VPS13B: variants seen among roughly 807,000 people sequenced by gnomAD.
The protein encoded by VPS13B is vacuolar protein sorting 13 homolog B.
In VPS13B, 285 loss-of-function variants were observed where a neutral mutation model predicts 426.4. The ratio of observed to expected loss-of-function variants is 0.67; its 90% confidence interval spans 0.61 to 0.74. VPS13B has a LOEUF of 0.74. VPS13B is among the 30% of genes least tolerant of loss of function. VPS13B has a pLI of 0.00. For missense variants in VPS13B, 4,537 were observed against 4,782.6 expected (o/e 0.95, Z 1.51); for synonymous variants, 1,676 against 1,676.4 (o/e 1.00, Z 0.01).
intron 17 of VPS13B, among the ~76,000 whole-genome samples, chr8:99,216,737 A>T (rs552222352): frequency 9.3e-4 from 142 of 152,122 alleles, no homozygotes; most frequent in African/African-American, 3.2e-3. Flanking sequence ...AAATACTTTT[A>T]AAAAAAGAAT....
intron 3 of VPS13B, among the ~76,000 whole-genome samples, chr8:99,074,103 T>C (rs577323655): frequency 1.3e-5 from 2 of 152,276 alleles, no homozygotes; most frequent in Admixed American, 6.5e-5. Context: ...GCTGGGACCT[T>C]CTGTACTGTG....
intron 29 of VPS13B, among the ~76,000 whole-genome samples, chr8:99,512,844 C>A (rs900377450): frequency 2.6e-5 from 4 of 151,966 alleles, no homozygotes; most frequent in Non-Finnish European, 5.9e-5. Context: ...CCCAGCTCTA[C>A]TAAAAATACA....
rs548434015 is a variant in VPS13B at position 99,873,845 on chromosome 8, A to C, written c.11746-1573A>C. On this transcript the variant is annotated intron_variant, in intron 61 of 61. Transcript: ENST00000357162. ...GCTGTCTGGCTCTTAGTGCATCCCAACATAATCCACAGACATGAGGAAGCC... is the reference window on the plus strand; with the variant it reads ...GCTGTCTGGCTCTTAGTGCATCCCACCATAATCCACAGACATGAGGAAGCC... Among the ~76,000 whole-genome samples the C allele has an allele frequency of 3.9e-5, 6 of 152,284 alleles. No individual in the cohort carries two copies. In the South Asian group the frequency reaches 1.2e-3, roughly 32 times the overall value.
intron 30 of VPS13B, among the ~76,000 whole-genome samples, chr8:99,524,217 G>A (rs979277421): frequency 2.0e-5 from 3 of 151,974 alleles, no homozygotes; most frequent in African/African-American, 7.3e-5. Flanking sequence ...AAAGAATGAA[G>A]TACACCTACA....
At position 99,683,079 on chromosome 8, in the gene VPS13B, T is replaced by C. The variant is rs947911921; in HGVS notation, c.6047-16446T>C. 1.6e-4 allele frequency among the ~76,000 whole-genome samples: 25 copies of C among 152,362 alleles called. 1 individual carries two copies. Among genetic ancestry groups the C allele is most frequent in the African/African-American group, 5.8e-4 (24 of 41,588 alleles). Reference sequence around the variant, plus strand: ...TATGAAGTTGAGTTTAAGGTACTTTTTTTTGTATACAGATATTCAACACCA... The same window carrying C: ...TATGAAGTTGAGTTTAAGGTACTTTCTTTTGTATACAGATATTCAACACCA... On this transcript the variant is annotated intron_variant, in intron 35 of 61. Coordinates refer to ENST00000357162, the MANE Select transcript of VPS13B (RefSeq NM_152564.5).
chr8:99,048,648 C>T (rs745764903), intron 3 of VPS13B, among the ~76,000 whole-genome samples: 2 of 152,058 alleles, frequency 1.3e-5, no homozygotes, highest in African/African-American at 2.4e-5. Context: ...AACCCCTTCT[C>T]TGCTAAAAAT....
At chr8:99,057,450 A>ACATCCCTACAT (rs1315053994) in intron 3 of VPS13B, among the ~76,000 whole-genome samples, 1 of 151,956 alleles carries the variant, frequency 6.6e-6, no homozygotes, top group African/African-American at 2.4e-5. Context: ...CATCTTTGGC[A>ACATCCCTACAT]CCCTGTCTCT....
intron 19 of VPS13B, among the ~76,000 whole-genome samples, chr8:99,332,341 A>G (rs1376512219): frequency 6.6e-6 from 1 of 151,694 alleles, no homozygotes; most frequent in Admixed American, 6.6e-5. Flanking sequence ...TTTGCAAGGA[A>G]ATAGAAAAAT....
chr8:99,771,558 G>A (rs1405774455), intron 40 of VPS13B, among the ~76,000 whole-genome samples: 1 of 152,226 alleles, frequency 6.6e-6, no homozygotes, highest in East Asian at 1.9e-4. Flanking sequence ...GTATATATGA[G>A]TGTGTGAATG....
chr8:99,199,260 C>T (rs1320553942), intron 17 of VPS13B, among the ~76,000 whole-genome samples: 1 of 152,126 alleles, frequency 6.6e-6, no homozygotes. Context: ...CGGCTCACTG[C>T]AAGCTCCGCC....
In VPS13B at chr8:99,778,877, T is replaced by C. The variant is rs2130679096; in HGVS notation, c.7625T>C (p.Val2542Ala). Residue 2542 changes from valine to alanine, a missense_variant, in exon 42 of 62, where the codon GTG (valine) becomes GCG (alanine). This residue lies in a region of VPS13B where 4,311 missense variants were observed against 4,474.3 expected (regional missense o/e 0.96). Transcript: ENST00000357162. ...TGCAGAAATGTCACTATGCAAAGTGTGGTGAAACCCTTCAGCATCTTCGGG... is the reference window on the plus strand; with the variant it reads ...TGCAGAAATGTCACTATGCAAAGTGCGGTGAAACCCTTCAGCATCTTCGGG... ...LECRNVTMQS[V>A]VKPFSIFGQM... The C allele has an allele frequency of 6.2e-7, 1 of 1,614,028 alleles. No homozygotes were observed. Among genetic ancestry groups the C allele is most frequent in the Admixed American group, 1.7e-5 (1 of 60,004 alleles).
At chr8:99,583,923 A>G (rs904479797) in intron 33 of VPS13B, among the ~76,000 whole-genome samples, 4 of 152,136 alleles carry the variant, frequency 2.6e-5, no homozygotes, top group South Asian at 2.1e-4. Flanking sequence ...CAGAGGCTAC[A>G]TATTTCTGTA....
intron 19 of VPS13B, among the ~76,000 whole-genome samples, chr8:99,342,312 G>A (rs955199831): frequency 6.6e-6 from 1 of 152,062 alleles, no homozygotes; most frequent in Non-Finnish European, 1.5e-5. Context: ...ATTGACTTCA[G>A]TCACTTTATT....
intron 8 of VPS13B, among the ~76,000 whole-genome samples, chr8:99,123,326 G>A (rs762074927): frequency 2.8e-4 from 43 of 152,024 alleles, no homozygotes; most frequent in Non-Finnish European, 2.5e-4. Context: ...AATAACAAAT[G>A]TAAAGGCACC....
At chr8:99,668,681 C>T (rs1391494956) in intron 35 of VPS13B, among the ~76,000 whole-genome samples, 2 of 152,062 alleles carry the variant, frequency 1.3e-5, no homozygotes, top group African/African-American at 4.8e-5. Flanking sequence ...CACCTTTTCC[C>T]CTTGTACCCA....
intron 39 of VPS13B, among the ~76,000 whole-genome samples, chr8:99,733,237 A>T (rs962532935): frequency 2.0e-5 from 3 of 152,226 alleles, no homozygotes; most frequent in African/African-American, 7.2e-5. Context: ...CTTGGGAGCT[A>T]CATTGTTGAA....
chr8:99,142,164 G>A (rs1810464788), intron 12 of VPS13B, among the ~76,000 whole-genome samples: 1 of 152,140 alleles, frequency 6.6e-6, no homozygotes, highest in African/African-American at 2.4e-5. Context: ...ATATATTTTT[G>A]TATAAAAGTA....
intron 31 of VPS13B, among the ~76,000 whole-genome samples, chr8:99,558,458 G>A (rs999761171): frequency 2.0e-5 from 3 of 151,986 alleles, no homozygotes; most frequent in Admixed American, 6.6e-5. Flanking sequence ...TGTGCACAAC[G>A]TGCAGGTTTC....
intron 17 of VPS13B, among the ~76,000 whole-genome samples, chr8:99,206,877 G>A (rs577819946): frequency 1.6e-5 from 2 of 123,608 alleles, no homozygotes; most frequent in East Asian, 2.2e-4. Flanking sequence ...TACTTCTAAT[G>A]TGTTCTAAGA....
Sources: gnomAD v4.1 joint callset for allele counts (sites outside exome capture counted in the v4.1 genomes callset) on GRCh38, gnomAD v4.1.1 for gene constraint, gnomAD v4.1.1 regional missense constraint, MANE v1.5 for transcripts, NCBI Gene and HGNC (gene_info 2026-07-23, HGNC 2026-07-21) for gene names.